The following IGF1 variants were observed in gnomAD, a reference collection of about 807,000 sequenced individuals.
IGF1 encodes the protein insulin like growth factor 1.
IGF1 carries 4 observed loss-of-function variants against 13.8 expected under a neutral mutation model. That is an observed-to-expected ratio of 0.29 (90% CI 0.14 to 0.66). IGF1 has a LOEUF of 0.66. IGF1 is among the 30% of genes least tolerant of loss of function. The pLI is 0.78. For missense variants in IGF1, 124 were observed against 188.5 expected (o/e 0.66, Z 2.00); for synonymous variants, 76 against 72.6 (o/e 1.05, Z -0.23).
At chr12:102,439,358 C>T (rs1035829988) in intron 2 of IGF1, among the ~76,000 whole-genome samples, 1 of 152,044 alleles carries the variant, frequency 6.6e-6, no homozygotes, top group Non-Finnish European at 1.5e-5. Flanking sequence ...TTTCAGATGG[C>T]ACTAAGTCAG....
intron 1 of IGF1, among the ~76,000 whole-genome samples, chr12:102,478,005 T>G (rs548977616): frequency 6.6e-6 from 1 of 151,210 alleles, no homozygotes; most frequent in East Asian, 1.9e-4. Context: ...TTCTTTTTTT[T>G]TTTTTTTGCT....
chr12:102,466,733 C>G (rs763439990), intron 2 of IGF1, among the ~76,000 whole-genome samples: 1 of 152,038 alleles, frequency 6.6e-6, no homozygotes, highest in Non-Finnish European at 1.5e-5. Flanking sequence ...AAAACCCCAT[C>G]TCTACAAAAA....
At chr12:102,413,842 T>C (rs897076578) in intron 3 of IGF1, among the ~76,000 whole-genome samples, 1 of 152,200 alleles carries the variant, frequency 6.6e-6, no homozygotes, top group African/African-American at 2.4e-5. Flanking sequence ...GGCTCTCACT[T>C]GGGAGAGCCA....
intron 2 of IGF1, among the ~76,000 whole-genome samples, chr12:102,454,359 T>C (rs937728099): frequency 1.3e-5 from 2 of 152,196 alleles, no homozygotes; most frequent in Non-Finnish European, 2.9e-5. Flanking sequence ...TCATGAGGTC[T>C]AGGGAATGAG....
intron 2 of IGF1, among the ~76,000 whole-genome samples, chr12:102,461,776 G>T (rs1426279685): frequency 6.6e-6 from 1 of 152,266 alleles, no homozygotes; most frequent in East Asian, 1.9e-4. Context: ...TCTGAGGAAA[G>T]GTTCCACCAA....
chr12:102,446,013 C>T lies in IGF1; in HGVS notation c.221-26323G>A, dbSNP rs935886705. Among the ~76,000 whole-genome samples, 5 of 152,142 alleles carry T rather than the reference C, an allele frequency of 3.3e-5. No homozygotes were observed. The East Asian group carries it at 9.6e-4, about 29-fold the overall frequency. On this transcript the variant is annotated intron_variant, in intron 2 of 3. Coordinates refer to ENST00000337514, the MANE Select transcript of IGF1 (RefSeq NM_000618.5). The stretch of plus-strand genomic sequence containing the variant: ...AATCATGTGGTTTTTGTCATTGGTT[C>T]TGTTTATGTGATGGATTATGTTTAT...
intron 2 of IGF1, among the ~76,000 whole-genome samples, chr12:102,466,511 A>G (rs1250055558): frequency 6.6e-6 from 1 of 152,212 alleles, no homozygotes; most frequent in African/African-American, 2.4e-5. Context: ...CCAGCAAAAA[A>G]TAGTCTGACC....
At chr12:102,457,348 T>C (rs1436330368) in intron 2 of IGF1, among the ~76,000 whole-genome samples, 2 of 152,188 alleles carry the variant, frequency 1.3e-5, no homozygotes, top group Non-Finnish European at 2.9e-5. Flanking sequence ...GACCGGGGGA[T>C]ACAGAGGATA....
intron 2 of IGF1, among the ~76,000 whole-genome samples, chr12:102,434,716 C>T (rs1877070807): frequency 6.6e-6 from 1 of 151,856 alleles, no homozygotes. Flanking sequence ...CCTGAGGAAT[C>T]GCCACACTGA....
intron 2 of IGF1, 110 bp from the exon 3 acceptor site, chr12:102,419,800 T>A: frequency 9.9e-7 from 1 of 1,012,032 alleles, no homozygotes; most frequent in Non-Finnish European, 1.5e-6. Context: ...TATTCTGCAA[T>A]GTCTCAACCT....
intron 1 of IGF1, among the ~76,000 whole-genome samples, chr12:102,477,612 A>G (rs543032344): frequency 6.6e-6 from 1 of 151,290 alleles, no homozygotes; most frequent in African/African-American, 2.4e-5. Context: ...AACAAATCCA[A>G]CCCACCTGGA....
At chr12:102,477,694 G>A (rs994099331) in intron 1 of IGF1, among the ~76,000 whole-genome samples, 2 of 152,196 alleles carry the variant, frequency 1.3e-5, no homozygotes, top group Middle Eastern at 3.4e-3. Flanking sequence ...TGCGGGAATG[G>A]GCCAGTTCTA....
chr12:102,411,778 C>A (rs773133218), intron 3 of IGF1, among the ~76,000 whole-genome samples: 13 of 152,122 alleles, frequency 8.5e-5, no homozygotes, highest in Non-Finnish European at 1.8e-4. Flanking sequence ...GATGCCTACT[C>A]AAATAAATGA....
chr12:102,400,769 A>G lies in IGF1; in HGVS notation c.*1738T>C, dbSNP rs1873619083. 3 of 152,168 alleles carry G rather than the reference A, an allele frequency of 2.0e-5. No homozygotes were observed. Among genetic ancestry groups the G allele is most frequent in the Admixed American group, 2.0e-4 (3 of 15,272 alleles). The allele number at this position is 152,168 out of a possible 1,614,324, so 9.4% of individuals were successfully genotyped here. On this transcript the variant is annotated 3_prime_UTR_variant, in exon 4 of 4. Transcript: ENST00000337514. ...TACTAGATATGTAGTAACTGCATAG[A>G]AGAGTCAGTGAGTGCTAACAAAGAG...
chr12:102,410,219 G>A (rs1874515164), intron 3 of IGF1, among the ~76,000 whole-genome samples: 1 of 152,162 alleles, frequency 6.6e-6, no homozygotes, highest in South Asian at 2.1e-4. Flanking sequence ...AAATGCCAAG[G>A]GTAGTTTCCC....
intron 2 of IGF1, among the ~76,000 whole-genome samples, chr12:102,452,294 A>G (rs1398453308): frequency 2.1e-5 from 3 of 140,678 alleles, no homozygotes; most frequent in South Asian, 2.5e-4. Flanking sequence ...AAAAAAAGAT[A>G]TGTCTACTTC....
chr12:102,420,995 G>A (rs1875662062), intron 2 of IGF1, among the ~76,000 whole-genome samples: 2 of 152,148 alleles, frequency 1.3e-5, no homozygotes, highest in Admixed American at 1.3e-4. Context: ...CATGTATTTT[G>A]CACTCCCTCA....
chr12:102,443,324 C>G (rs1878027641), intron 2 of IGF1, among the ~76,000 whole-genome samples: 1 of 152,090 alleles, frequency 6.6e-6, no homozygotes, highest in South Asian at 2.1e-4. Context: ...AACCAAAATG[C>G]ATCCTTTGCT....
At position 102,408,487 on chromosome 12, in the gene IGF1, A is replaced by G. The variant is rs370696798; in HGVS notation, c.403-5921T>C. On this transcript the variant is annotated intron_variant, in intron 3 of 3. Coordinates refer to ENST00000337514, the MANE Select transcript of IGF1 (RefSeq NM_000618.5). ...TTTGAGAAACGTGTACTCCTTGTTTATGTGGCTGCTTCTTTAACAGAGTGA... is the reference window on the plus strand; with the variant it reads ...TTTGAGAAACGTGTACTCCTTGTTTGTGTGGCTGCTTCTTTAACAGAGTGA... Among the ~76,000 whole-genome samples, 86 of 152,318 alleles carry G rather than the reference A, an allele frequency of 5.6e-4. 4 individuals are homozygous for G. The South Asian group carries it at 0.018, about 31-fold the overall frequency.
Sources: allele counts gnomAD v4.1 joint callset (sites outside exome capture counted in the v4.1 genomes callset), GRCh38; gene constraint gnomAD v4.1.1; transcripts MANE v1.5; gene names NCBI Gene and HGNC (gene_info 2026-07-23, HGNC 2026-07-21).